The following FHL5 variants were observed in gnomAD, a reference collection of about 807,000 sequenced individuals.
The protein encoded by FHL5 is four and a half LIM domains 5.
In FHL5, 33 loss-of-function variants were observed where a neutral mutation model predicts 32.0. That is an observed-to-expected ratio of 1.03 (90% CI 0.78 to 1.38). FHL5 has a LOEUF of 1.38. FHL5 is among the 40% of genes most tolerant of loss of function. The pLI is 0.00. For synonymous variants in FHL5, 114 were observed against 113.6 expected, an observed-to-expected ratio of 1.00 and a Z score of -0.02; for missense variants, 336 against 343.9, an observed-to-expected ratio of 0.98 and a Z score of 0.18.
At chr6:96,614,381 C>T (rs1372602889) in intron 5 of FHL5, among the ~76,000 whole-genome samples, 7 of 152,198 alleles carry the variant, frequency 4.6e-5, no homozygotes, top group African/African-American at 1.7e-4. Flanking sequence ...ATGTTGATAG[C>T]ATCATAGATA....
chr6:96,594,271 A>ATG (rs1554176522), intron 1 of FHL5, among the ~76,000 whole-genome samples: 4 of 72,936 alleles, frequency 5.5e-5, no homozygotes, highest in Admixed American at 1.4e-4. Context: ...ATATATATAT[A>ATG]TATGTATGTA....
chr6:96,604,606 G>A, intron 2 of FHL5, 144 bp from the exon 3 acceptor site: 2 of 533,166 alleles, frequency 3.8e-6, no homozygotes, highest in Non-Finnish European at 6.3e-6. Context: ...CCTCTCTATG[G>A]GTAACAGTTT....
intron 1 of FHL5, among the ~76,000 whole-genome samples, chr6:96,601,545 T>C (rs1771149530): frequency 6.6e-6 from 1 of 152,226 alleles, no homozygotes; most frequent in African/African-American, 2.4e-5. Context: ...TGAAATATTA[T>C]CAATTTGGTA....
At chr6:96,591,296 AG>A (rs1418033243) in intron 1 of FHL5, among the ~76,000 whole-genome samples, 1 of 152,116 alleles carries the variant, frequency 6.6e-6, no homozygotes, top group African/African-American at 2.4e-5. Context: ...CAATTTTAAT[AG>A]TTTTATTTAT....
intron 1 of FHL5, among the ~76,000 whole-genome samples, chr6:96,563,691 G>A (rs571980413): frequency 1.3e-5 from 2 of 152,164 alleles, no homozygotes; most frequent in South Asian, 4.2e-4. Context: ...GGAAGAAGAG[G>A]AGGGCTCTTG....
In FHL5 at chr6:96,606,155, T is replaced by C. The variant is rs147194880; in HGVS notation, c.504+84T>C. The C allele has an allele frequency of 6.5e-4, 731 of 1,118,238 alleles. 5 individuals are homozygous for C. The African/African-American group carries it at 0.01, about 16-fold the overall frequency. The allele number at this position is 1,118,238 out of a possible 1,614,324, so 69.3% of individuals were successfully genotyped here. On this transcript the variant is annotated intron_variant, in intron 4 of 5. Transcript: ENST00000450218. ...TCATATATTTAGAATGAACTGATACTATTATGTTATATCTGTAATCAACAC... is the reference window on the plus strand; with the variant it reads ...TCATATATTTAGAATGAACTGATACCATTATGTTATATCTGTAATCAACAC...
intron 4 of FHL5, among the ~76,000 whole-genome samples, chr6:96,607,351 A>G (rs1771305176): frequency 6.6e-6 from 1 of 150,866 alleles, no homozygotes; most frequent in Non-Finnish European, 1.5e-5. Flanking sequence ...ATATCTGGAC[A>G]GCTGGAAGTC....
intron 1 of FHL5, among the ~76,000 whole-genome samples, chr6:96,585,709 T>A (rs1357350012): frequency 6.6e-6 from 1 of 152,114 alleles, no homozygotes; most frequent in Non-Finnish European, 1.5e-5. Context: ...AATAAGAATA[T>A]ATGGTAATTC....
chr6:96,594,760 TTTTG>T (rs1771001051), intron 1 of FHL5, among the ~76,000 whole-genome samples: 1 of 152,008 alleles, frequency 6.6e-6, no homozygotes, highest in African/African-American at 2.4e-5. Flanking sequence ...TATGAAATAA[TTTTG>T]TTTTACTTAT....
chr6:96,575,613 C>T (rs1415354226), intron 1 of FHL5, among the ~76,000 whole-genome samples: 2 of 152,138 alleles, frequency 1.3e-5, no homozygotes, highest in Non-Finnish European at 2.9e-5. Flanking sequence ...TGCCTTTTGC[C>T]CAGTTACTTA....
chr6:96,599,064 A>C (rs1052782825), intron 1 of FHL5, among the ~76,000 whole-genome samples: 1 of 152,144 alleles, frequency 6.6e-6, no homozygotes, highest in Non-Finnish European at 1.5e-5. Context: ...TGTTAAGTGG[A>C]TATATTACTC....
chr6:96,602,906 T>C (rs1022465068), intron 1 of FHL5, among the ~76,000 whole-genome samples: 5 of 152,176 alleles, frequency 3.3e-5, no homozygotes, highest in African/African-American at 1.2e-4. Context: ...GGTCTGAGAA[T>C]CCTACCTGCT....
At chr6:96,594,245 A>G (rs1278408156) in intron 1 of FHL5, among the ~76,000 whole-genome samples, 1 of 105,654 alleles carries the variant, frequency 9.5e-6, no homozygotes, top group Non-Finnish European at 2.1e-5. Context: ...ATATATATAT[A>G]TATATATATA....
At position 96,617,900 on chromosome 6, in the gene FHL5, T is replaced by A. The variant is rs1186080954; in HGVS notation, c.*2128T>A. 6.6e-6 allele frequency among the ~76,000 whole-genome samples: 1 copy of A among 152,134 alleles called. No homozygotes were observed. The highest frequency in any genetic ancestry group is 1.9e-4 in the East Asian group (1 of 5,186). On this transcript the variant is annotated 3_prime_UTR_variant, in exon 6 of 6. Transcript: ENST00000450218. ...GTATAAATATATATACTTTTACATA[T>A]AAATAGTTCTGCATTTAGAAGGTAT...
chr6:96,615,510 C>T, intron 5 of FHL5, 99 bp from the exon 6 acceptor site: 2 of 965,832 alleles, frequency 2.1e-6, no homozygotes, highest in Non-Finnish European at 3.0e-6. Flanking sequence ...CGTTGTTTTG[C>T]TCATAGCTCT....
chr6:96,586,454 GTC>G (rs201203840), intron 1 of FHL5, among the ~76,000 whole-genome samples: 3,977 of 152,254 alleles, frequency 0.026, 57 homozygotes, highest in Non-Finnish European at 0.031. Flanking sequence ...AGTTTGAGGA[GTC>G]TCTATCAGAG....
intron 5 of FHL5, among the ~76,000 whole-genome samples, chr6:96,611,970 G>T (rs564730089): frequency 4.3e-4 from 66 of 152,316 alleles, no homozygotes; most frequent in African/African-American, 1.5e-3. Flanking sequence ...TAAAAGTAGA[G>T]GAAGAGCCTG....
chr6:96,584,651 A>G lies in FHL5; in HGVS notation c.-12-18951A>G, dbSNP rs76138165. Among the ~76,000 whole-genome samples the G allele has an allele frequency of 7.2e-5, 11 of 152,258 alleles. No individual in the cohort carries two copies. In the East Asian group the frequency reaches 2.1e-3, roughly 29 times the overall value. Reference sequence around the variant, plus strand: ...AAAGATGATCAGATGAGGCTGAGTGAGATTTTTATCAAGCATCATGGAGGA... The same window carrying G: ...AAAGATGATCAGATGAGGCTGAGTGGGATTTTTATCAAGCATCATGGAGGA... On this transcript the variant is annotated intron_variant, in intron 1 of 5. Coordinates refer to ENST00000450218, the MANE Select transcript of FHL5 (RefSeq NM_001322466.2).
chr6:96,610,797 G>T (rs1233972237), intron 5 of FHL5, 39 bp downstream of exon 5: 6 of 1,414,570 alleles, frequency 4.2e-6, no homozygotes, highest in Non-Finnish European at 5.9e-6. Flanking sequence ...CCATGAGACA[G>T]TTATGACTTT....
Sources: gnomAD v4.1 joint callset for allele counts (sites outside exome capture counted in the v4.1 genomes callset) on GRCh38, gnomAD v4.1.1 for gene constraint, MANE v1.5 for transcripts, NCBI Gene and HGNC (gene_info 2026-07-23, HGNC 2026-07-21) for gene names.